Variants in FNDC1 observed in about 807,000 individuals in gnomAD.
The protein encoded by FNDC1 is fibronectin type III domain-containing protein 1.
FNDC1 carries 96 observed loss-of-function variants against 168.0 expected under a neutral mutation model. That is an observed-to-expected ratio of 0.57 (90% CI 0.48 to 0.68). The LOEUF (loss-of-function observed/expected upper bound fraction) is 0.68, where lower values mean the gene tolerates loss of function less well. Among genes scored for constraint, FNDC1 ranks in the 30% least tolerant of loss-of-function variants. The pLI, the probability that FNDC1 is intolerant of heterozygous loss-of-function variation, is 0.00. For synonymous variants in FNDC1, 1,099 were observed against 1,025.9 expected, an observed-to-expected ratio of 1.07 and a Z score of -1.36; for missense variants, 2,587 against 2,482.1, an observed-to-expected ratio of 1.04 and a Z score of -0.90.
intron 17 of FNDC1, among the ~76,000 whole-genome samples, chr6:159,254,637 G>A (rs1777335496): frequency 6.6e-6 from 1 of 151,312 alleles, no homozygotes; most frequent in Non-Finnish European, 1.5e-5. Context: ...GAACCCGGGA[G>A]GTGGAGCTTG....
rs1450506871 is a variant in FNDC1 at position 159,232,237 on chromosome 6, G to A, written c.1725G>A (p.Ser575=). The A allele has an allele frequency of 2.5e-6, 4 of 1,612,110 alleles. No individual in the cohort carries two copies. Among genetic ancestry groups the A allele is most frequent in the East Asian group, 2.2e-5 (1 of 44,744 alleles). The part of the protein sequence containing the change: ...TLRPPSRHGH[S]VVAPGRTAVR... ...GGCCGCCAAGTAGACACGGCCACTC[G>A]GTGGTTGCTCCCGGCAGGACTGCAG... The change falls in exon 11 of 23, where the codon TCG becomes TCA. Residue 575 remains serine (S), a synonymous_variant. Coordinates refer to ENST00000297267, the MANE Select transcript of FNDC1 (RefSeq NM_032532.3). The surrounding 1 kb of genome is among the most constrained non-coding windows in gnomAD (Gnocchi z 4.9).
At chr6:159,245,077 G>A (rs1783510754) in intron 14 of FNDC1, among the ~76,000 whole-genome samples, 1 of 152,096 alleles carries the variant, frequency 6.6e-6, no homozygotes, top group Non-Finnish European at 1.5e-5. Flanking sequence ...CAAGTGTGCA[G>A]GAAAAACTAC....
At chr6:159,244,937 G>A (rs1019457688) in intron 14 of FNDC1, among the ~76,000 whole-genome samples, 1 of 152,204 alleles carries the variant, frequency 6.6e-6, no homozygotes, top group Non-Finnish European at 1.5e-5. Flanking sequence ...AAGGAAAGAG[G>A]TTTAATTGAC....
chr6:159,169,788 C>T lies in FNDC1; in HGVS notation c.109+83C>T. The T allele has an allele frequency of 2.2e-6, 1 of 464,488 alleles. No homozygotes were observed. Among genetic ancestry groups the T allele is most frequent in the Non-Finnish European group, 3.1e-6 (1 of 327,232 alleles). The allele number at this position is 464,488 out of a possible 1,614,324, so 28.8% of individuals were successfully genotyped here. A position where few individuals can be genotyped will look rare whatever the true frequency, so the allele number is the denominator to read the frequency against. ...TCGGGCCCCGTCGTCCCGCTCAGTG[C>T]TGGCTACGGGTCGTGTCACTAGCCT... On this transcript the variant is annotated intron_variant, in intron 1 of 22. Transcript: ENST00000297267. This position sits in a 1 kb window ranked among gnomAD's most constrained non-coding sequence, Gnocchi z 6.8.
intron 9 of FNDC1, among the ~76,000 whole-genome samples, chr6:159,229,253 C>G (rs2114985528): frequency 6.6e-6 from 1 of 152,270 alleles, no homozygotes; most frequent in South Asian, 2.1e-4. Context: ...CTTCACAGCT[C>G]TAAAATACTG....
chr6:159,240,572 T>G (rs1413918257), intron 14 of FNDC1, among the ~76,000 whole-genome samples: 1 of 152,104 alleles, frequency 6.6e-6, no homozygotes, highest in Non-Finnish European at 1.5e-5. Flanking sequence ...CCTGTGGGAG[T>G]GTGGGCTTTC....
At position 159,232,229 on chromosome 6, in the gene FNDC1, G is replaced by A. The variant is rs202114028; in HGVS notation, c.1717G>A (p.Gly573Ser). The A allele has an allele frequency of 2.3e-4, 369 of 1,612,574 alleles. No individual in the cohort carries two copies. The highest frequency in any genetic ancestry group is 2.9e-4 in the Non-Finnish European group (343 of 1,179,338). The change falls in exon 11 of 23, where the codon GGC becomes AGC. Residue 573 changes from glycine (G) to serine (S), a missense_variant. Gly to Ser is a moderately conservative substitution (Grantham distance 56). Transcript: ENST00000297267. The surrounding 1 kb of genome is among the most constrained non-coding windows in gnomAD (Gnocchi z 4.9). ...GACCCTGAGGCCGCCAAGTAGACACGGCCACTCGGTGGTTGCTCCCGGCAG... is the reference window on the plus strand; with the variant it reads ...GACCCTGAGGCCGCCAAGTAGACACAGCCACTCGGTGGTTGCTCCCGGCAG... ...KRTLRPPSRH[G>S]HSVVAPGRTA... is the part of the protein sequence containing the mutation.
intron 5 of FNDC1, 82 bp downstream of exon 5, chr6:159,215,233 G>A (rs1186938752): frequency 1.6e-6 from 2 of 1,275,390 alleles, no homozygotes; most frequent in Non-Finnish European, 2.2e-6. Context: ...TCATGACAGA[G>A]CATTATATTT....
Position 159,200,600 on chromosome 6 carries a change from T to C in FNDC1, c.460+19T>C. ...GTCACAGGTACTACTTCCTCCTTCA[T>C]GTCAGATTCATGTTTTCACTGAAGC... On this transcript the variant is annotated intron_variant, in intron 4 of 22. Transcript: ENST00000297267. The C allele has an allele frequency of 3.2e-6, 5 of 1,564,046 alleles. No individual in the cohort carries two copies. Among genetic ancestry groups the C allele is most frequent in the African/African-American group, 1.3e-5 (1 of 74,176 alleles).
chr6:159,214,143 T>C (rs1364693460), intron 4 of FNDC1, among the ~76,000 whole-genome samples: 1 of 152,214 alleles, frequency 6.6e-6, no homozygotes, highest in Non-Finnish European at 1.5e-5. Flanking sequence ...GGGCTTACAA[T>C]GTGGTTAGTG....
chr6:159,249,008 G>A (rs1477479960), intron 15 of FNDC1, 31 bp from the exon 16 acceptor site: 2 of 1,573,232 alleles, frequency 1.3e-6, no homozygotes. Flanking sequence ...TTCTGGCAGT[G>A]CCCAATTACA....
In FNDC1 at chr6:159,239,565, G is replaced by T. The variant is rs1379858513; in HGVS notation, c.4229G>T (p.Gly1410Val). 1 of 1,603,312 alleles carries T rather than the reference G, an allele frequency of 6.2e-7. No homozygotes were observed. Among genetic ancestry groups the T allele is most frequent in the Non-Finnish European group, 8.5e-7 (1 of 1,174,860 alleles). The part of the protein sequence containing the change: ...VVSPDGLPLF[G>V]QGRHGTPLAN... The stretch of plus-strand genomic sequence containing the variant: ...AGTCCTGACGGCCTCCCACTCTTTG[G>T]GCAGGGGCGACATGGCACACCTCTG... The change falls in exon 14 of 23, where the codon GGG (glycine) becomes GTG (valine). Residue 1410 changes from glycine (G) to valine (V), a missense_variant. Gly to Val is a moderately radical substitution (Grantham distance 109). Transcript: ENST00000297267.
chr6:159,257,905 CTTTTTT>C (rs142754305), intron 18 of FNDC1, among the ~76,000 whole-genome samples: 9 of 131,582 alleles, frequency 6.8e-5, no homozygotes, highest in Non-Finnish European at 1.1e-4. Flanking sequence ...GAGTCAATGT[CTTTTTT>C]TTTTTTTTTT....
At chr6:159,194,464 A>G (rs892985578) in intron 1 of FNDC1, among the ~76,000 whole-genome samples, 22 of 152,206 alleles carry the variant, frequency 1.4e-4, no homozygotes, top group Non-Finnish European at 2.8e-4. Context: ...AGCAGAGAGG[A>G]TGGTCTGTTC....
At chr6:159,253,074 A>C (rs1278636145) in intron 17 of FNDC1, among the ~76,000 whole-genome samples, 2 of 152,212 alleles carry the variant, frequency 1.3e-5, no homozygotes, top group Non-Finnish European at 2.9e-5. Context: ...AGCCATTCAA[A>C]GCTCCCTAGA....
chr6:159,182,201 C>A (rs961178587), intron 1 of FNDC1, among the ~76,000 whole-genome samples: 1 of 152,226 alleles, frequency 6.6e-6, no homozygotes, highest in Non-Finnish European at 1.5e-5. Context: ...TAGATATCAT[C>A]TGAGCAGATT....
At chr6:159,223,725 T>C in intron 7 of FNDC1, 80 bp downstream of exon 7, 2 of 799,114 alleles carry the variant, frequency 2.5e-6, no homozygotes, top group Admixed American at 2.7e-5. Context: ...TTTAATGATT[T>C]TATTTTCTGA....
At chr6:159,199,242 C>T (rs185090343) in intron 2 of FNDC1, among the ~76,000 whole-genome samples, 6 of 152,332 alleles carry the variant, frequency 3.9e-5, no homozygotes, top group African/African-American at 1.4e-4. Flanking sequence ...GCTACACGTT[C>T]AGGGTGCCCT....
chr6:159,234,784 C>A (rs1292512506), intron 11 of FNDC1, among the ~76,000 whole-genome samples: 1 of 152,246 alleles, frequency 6.6e-6, no homozygotes, highest in African/African-American at 2.4e-5. Flanking sequence ...CACATTGCCT[C>A]TAATTCCACA....
Sources: gnomAD v4.1 joint callset for allele counts (sites outside exome capture counted in the v4.1 genomes callset) on GRCh38, gnomAD v4.1.1 for gene constraint, Gnocchi (gnomAD v3.1) non-coding constraint, MANE v1.5 for transcripts, NCBI Gene and HGNC (gene_info 2026-07-23, HGNC 2026-07-21) for gene names.